FAM227B: variants seen among roughly 807,000 people sequenced by gnomAD.
FAM227B encodes the protein family with sequence similarity 227 member B, also known as protein FAM227B.
FAM227B carries 88 observed loss-of-function variants against 73.8 expected under a neutral mutation model. The observed-to-expected ratio is 1.19, with a 90% CI of 1.00 to 1.42. FAM227B has a LOEUF of 1.42. FAM227B is among the 40% of genes most tolerant of loss of function. The probability of loss-of-function intolerance (pLI) is 0.00; values close to 1 mark genes in which losing one functional copy is unlikely to be tolerated. For missense variants in FAM227B, 632 were observed against 590.9 expected, an observed-to-expected ratio of 1.07 and a Z score of -0.72; for synonymous variants, 210 against 190.5, an observed-to-expected ratio of 1.10 and a Z score of -0.84.
At position 49,460,214 on chromosome 15, in the gene FAM227B, TA is replaced by T. The variant is rs775204588; in HGVS notation, c.1012+47996del. Among the ~76,000 whole-genome samples the T allele has an allele frequency of 1.9e-3, 292 of 151,186 alleles. 2 individuals are homozygous for T. Among genetic ancestry groups the T allele is most frequent in the African/African-American group, 6.8e-3 (279 of 41,236 alleles). On this transcript the variant is annotated intron_variant, in intron 11 of 15. Coordinates refer to ENST00000299338, the MANE Select transcript of FAM227B (RefSeq NM_152647.3). ...CCTGCCAAAGTTACTTCTGAAGCCT[TA>T]AAAAAAAAGTCCAAAAAACTCAGTG...
intron 11 of FAM227B, among the ~76,000 whole-genome samples, chr15:49,379,153 A>G (rs1405577477): frequency 6.6e-6 from 1 of 152,164 alleles, no homozygotes; most frequent in East Asian, 1.9e-4. Context: ...TCCCACTTGG[A>G]TCTGATGAAT....
intron 13 of FAM227B, among the ~76,000 whole-genome samples, chr15:49,346,189 C>A (rs1188384589): frequency 2.0e-5 from 3 of 152,128 alleles, no homozygotes; most frequent in Non-Finnish European, 4.4e-5. Flanking sequence ...AAACTTGGGC[C>A]AGCTCCTGTC....
chr15:49,345,943 G>A (rs963261713), intron 13 of FAM227B, among the ~76,000 whole-genome samples: 1 of 152,102 alleles, frequency 6.6e-6, no homozygotes, highest in East Asian at 1.9e-4. Flanking sequence ...ATGGCCCAGG[G>A]GCAAATTTCG....
Position 49,588,006 on chromosome 15 carries a change from G to C in FAM227B, c.405+10C>G, listed in dbSNP as rs559814749. 2 of 1,434,292 alleles carry C rather than the reference G, an allele frequency of 1.4e-6. No individual in the cohort carries two copies. The highest frequency in any genetic ancestry group is 2.9e-5 in the South Asian group (2 of 68,024). 88.8% of individuals were successfully genotyped at this position (1,434,292 alleles called of 1,614,324 possible). ...AACTTTCAAGGATGATAAAAACATA[G>C]ATACCATACCATTATCTTTTTTTTC... On this transcript the variant is annotated intron_variant, in intron 5 of 15. Transcript: ENST00000299338.
intron 11 of FAM227B, among the ~76,000 whole-genome samples, chr15:49,476,203 T>A (rs2055253790): frequency 6.7e-6 from 1 of 148,806 alleles, no homozygotes. Context: ...AATTCCTATT[T>A]ATTTTGCTGT....
At chr15:49,429,114 A>G (rs1344805117) in intron 11 of FAM227B, among the ~76,000 whole-genome samples, 1 of 152,016 alleles carries the variant, frequency 6.6e-6, no homozygotes, top group Admixed American at 6.6e-5. Context: ...CTAAAAGAAC[A>G]ATAATTCACA....
intron 11 of FAM227B, among the ~76,000 whole-genome samples, chr15:49,375,440 A>T (rs954621008): frequency 2.0e-5 from 3 of 152,112 alleles, no homozygotes; most frequent in African/African-American, 7.2e-5. Context: ...ATCTCTAAGG[A>T]CCAAATCATT....
At chr15:49,504,605 TA>T (rs913965794) in intron 11 of FAM227B, among the ~76,000 whole-genome samples, 73 of 146,808 alleles carry the variant, frequency 5.0e-4, no homozygotes, top group Middle Eastern at 3.4e-3. Flanking sequence ...TGTTAAAGTT[TA>T]AAAAAAAAAA....
intron 11 of FAM227B, among the ~76,000 whole-genome samples, chr15:49,476,163 C>T (rs531451844): frequency 6.6e-6 from 1 of 150,670 alleles, no homozygotes; most frequent in Non-Finnish European, 1.5e-5. Context: ...TCAAATCCTC[C>T]GTTGACCACT....
At chr15:49,561,779 A>G (rs1021685091) in intron 9 of FAM227B, among the ~76,000 whole-genome samples, 9 of 152,170 alleles carry the variant, frequency 5.9e-5, no homozygotes, top group Non-Finnish European at 1.5e-5. Flanking sequence ...AGACACAAAT[A>G]AACAAAATAT....
intron 11 of FAM227B, among the ~76,000 whole-genome samples, chr15:49,448,862 A>C (rs1004325262): frequency 1.3e-5 from 2 of 151,838 alleles, no homozygotes; most frequent in African/African-American, 4.8e-5. Context: ...TTTCTTTAGC[A>C]GTCGATTCCA....
chr15:49,384,430 T>C (rs774276497), intron 11 of FAM227B, among the ~76,000 whole-genome samples: 1 of 152,004 alleles, frequency 6.6e-6, no homozygotes, highest in Non-Finnish European at 1.5e-5. Context: ...GCTCACTGTC[T>C]GTGGGGATGG....
chr15:49,331,737 G>T, intron 15 of FAM227B, 43 bp downstream of exon 15: 2 of 1,195,014 alleles, frequency 1.7e-6, no homozygotes, highest in Non-Finnish European at 2.5e-6. Context: ...TATAAAAGAA[G>T]CTAGAGAGAG....
chr15:49,354,662 G>A (rs2151331737), intron 13 of FAM227B, among the ~76,000 whole-genome samples: 1 of 152,360 alleles, frequency 6.6e-6, no homozygotes, highest in East Asian at 1.9e-4. Flanking sequence ...TGGGCTGGGG[G>A]AGGGGCGCCC....
intron 13 of FAM227B, among the ~76,000 whole-genome samples, chr15:49,346,017 C>G (rs2041431540): frequency 6.6e-6 from 1 of 151,532 alleles, no homozygotes; most frequent in South Asian, 2.1e-4. Context: ...TCAGGTCTGC[C>G]TGCCCTGCTT....
chr15:49,511,592 T>C (rs1017241246), intron 10 of FAM227B, among the ~76,000 whole-genome samples: 6 of 152,110 alleles, frequency 3.9e-5, no homozygotes, highest in African/African-American at 1.4e-4. Flanking sequence ...TTAGCTATTC[T>C]TCCTGATGCT....
chr15:49,454,865 TC>T (rs1218017398), intron 11 of FAM227B, among the ~76,000 whole-genome samples: 2 of 152,152 alleles, frequency 1.3e-5, no homozygotes, highest in African/African-American at 4.8e-5. Flanking sequence ...CGCCTCGGCC[TC>T]CCAAAGTGCT....
intron 10 of FAM227B, among the ~76,000 whole-genome samples, chr15:49,519,191 T>C (rs981855820): frequency 6.6e-6 from 1 of 152,182 alleles, no homozygotes; most frequent in Admixed American, 6.5e-5. Flanking sequence ...CTTGGGCAGC[T>C]CCACCCCTGT....
At chr15:49,390,116 T>C (rs574513196) in intron 11 of FAM227B, among the ~76,000 whole-genome samples, 1 of 152,068 alleles carries the variant, frequency 6.6e-6, no homozygotes, top group African/African-American at 2.4e-5. Context: ...CTCTGGGAAA[T>C]GAAATGAAGA....
Sources: allele counts gnomAD v4.1 joint callset (sites outside exome capture counted in the v4.1 genomes callset), GRCh38; gene constraint gnomAD v4.1.1; transcripts MANE v1.5; gene names NCBI Gene and HGNC (gene_info 2026-07-23, HGNC 2026-07-21).